NUP98: variants seen among roughly 807,000 people sequenced by gnomAD.
The protein encoded by NUP98 is nuclear pore complex protein Nup98-Nup96.
In NUP98, 26 loss-of-function variants were observed where a neutral mutation model predicts 191.9. The ratio of observed to expected loss-of-function variants is 0.14; its 90% CI spans 0.10 to 0.19. NUP98 has a LOEUF of 0.19. Ranked by LOEUF, NUP98 falls within the 10% of genes least tolerant of loss-of-function variation. NUP98 has a pLI of 1.00. For missense variants in NUP98, 1,941 were observed against 2,178.8 expected (o/e 0.89, Z 2.17); for synonymous variants, 808 against 778.4 (o/e 1.04, Z -0.63).
At chr11:3,702,311 A>ACTCTCTCTCTCTCTCT in intron 23 of NUP98, 152 bp downstream of exon 23, 1 of 421,868 alleles carries the variant, frequency 2.4e-6, no homozygotes, top group Non-Finnish European at 4.1e-6. Flanking sequence ...ACACACACAC[A>ACTCTCTCTCTCTCTCT]CACTCTCTCT....
At chr11:3,746,913 CAAAA>C (rs200628434) in intron 11 of NUP98, among the ~76,000 whole-genome samples, 2 of 90,930 alleles carry the variant, frequency 2.2e-5, no homozygotes. Context: ...AACGCAGTCT[CAAAA>C]AAAAAAAAAA....
chr11:3,765,375 T>C (rs552012827), intron 8 of NUP98, among the ~76,000 whole-genome samples: 1 of 152,370 alleles, frequency 6.6e-6, no homozygotes, highest in East Asian at 1.9e-4. Flanking sequence ...TAAAAGGTTT[T>C]AATTTTGAAA....
chr11:3,736,562 A>C (rs963114858), intron 12 of NUP98, among the ~76,000 whole-genome samples: 57 of 152,322 alleles, frequency 3.7e-4, no homozygotes, highest in African/African-American at 1.3e-3. Flanking sequence ...CAGGAAGTGG[A>C]GGTTTCAGTG....
intron 1 of NUP98, 118 bp downstream of exon 1, chr11:3,797,282 G>C (rs2082698664): frequency 1.3e-5 from 5 of 396,942 alleles, no homozygotes; most frequent in African/African-American, 6.2e-5. Context: ...CAGAAGGTGC[G>C]CGCAGCGGCG....
At position 3,764,368 on chromosome 11, in the gene NUP98, T is replaced by C. The variant is rs114114301; in HGVS notation, c.949-1329A>G. Among the ~76,000 whole-genome samples the C allele has an allele frequency of 4.0e-3, 615 of 152,368 alleles. 2 individuals are homozygous for C. The highest frequency in any genetic ancestry group is 0.014 in the African/African-American group (578 of 41,600). ...TCATTGTTAATAGATCTTTAGGTTATTTCTACATTTTAGTCATTATGAATA... is the reference window on the plus strand; with the variant it reads ...TCATTGTTAATAGATCTTTAGGTTACTTCTACATTTTAGTCATTATGAATA... On this transcript the variant is annotated intron_variant, in intron 8 of 32. Transcript: ENST00000324932.
chr11:3,761,641 C>A (rs1025656900), intron 9 of NUP98, among the ~76,000 whole-genome samples: 1 of 152,158 alleles, frequency 6.6e-6, no homozygotes, highest in Admixed American at 6.6e-5. Flanking sequence ...CGCCTGTAAT[C>A]CCAGCTACTC....
At chr11:3,744,799 G>GTACTTGACCTGCA in intron 11 of NUP98, 150 bp from the exon 12 acceptor site, 1 of 775,204 alleles carries the variant, frequency 1.3e-6, no homozygotes, top group Non-Finnish European at 2.0e-6. Context: ...TGTTACTGCA[G>GTACTTGACCTGCA]GTCAAGTACT....
At chr11:3,733,705 T>C (rs552636518) in intron 13 of NUP98, among the ~76,000 whole-genome samples, 8 of 152,240 alleles carry the variant, frequency 5.3e-5, no homozygotes, top group South Asian at 2.1e-4. Context: ...TATTCCATTA[T>C]AGACTTATAA....
intron 20 of NUP98, among the ~76,000 whole-genome samples, chr11:3,711,311 T>G (rs2079018333): frequency 6.6e-6 from 1 of 152,222 alleles, no homozygotes; most frequent in Non-Finnish European, 1.5e-5. Context: ...TCTGAAATTT[T>G]TGGGTGCTCA....
At chr11:3,720,863 A>C in intron 16 of NUP98, 38 bp from the exon 17 acceptor site, 1 of 857,844 alleles carries the variant, frequency 1.2e-6, no homozygotes. Flanking sequence ...AAAAAAAAAT[A>C]ACCTGAAATA....
intron 9 of NUP98, 122 bp downstream of exon 9, chr11:3,762,780 A>G (rs2081216237): frequency 1.0e-6 from 1 of 986,378 alleles, no homozygotes. Flanking sequence ...ATCAAATCAT[A>G]TTAGGCTGGT....
chr11:3,785,214 G>A (rs1443464174), intron 1 of NUP98, among the ~76,000 whole-genome samples: 2 of 151,464 alleles, frequency 1.3e-5, no homozygotes, highest in East Asian at 1.9e-4. Context: ...AAAAACCAAC[G>A]GATTTTTGGC....
At chr11:3,721,775 A>G (rs1388903355) in intron 16 of NUP98, among the ~76,000 whole-genome samples, 1 of 152,112 alleles carries the variant, frequency 6.6e-6, no homozygotes, top group Non-Finnish European at 1.5e-5. Context: ...ACCAAAATAA[A>G]AAAAGCAGAG....
At chr11:3,747,081 A>G (rs1348510851) in intron 11 of NUP98, among the ~76,000 whole-genome samples, 4 of 152,174 alleles carry the variant, frequency 2.6e-5, no homozygotes, top group Non-Finnish European at 4.4e-5. Flanking sequence ...GTAATGGTCC[A>G]CAATTTGAGA....
At chr11:3,722,788 G>A (rs1240576537) in intron 16 of NUP98, among the ~76,000 whole-genome samples, 1 of 152,126 alleles carries the variant, frequency 6.6e-6, no homozygotes, top group African/African-American at 2.4e-5. Flanking sequence ...ACTCCAGCCT[G>A]GGCGACAGAG....
intron 1 of NUP98, among the ~76,000 whole-genome samples, chr11:3,783,579 A>G (rs1296984066): frequency 1.3e-5 from 2 of 152,130 alleles, no homozygotes; most frequent in African/African-American, 4.8e-5. Context: ...CATGCCTGTA[A>G]TCTCAGCTAT....
rs1009789646 is a variant in NUP98, at chr11:3,715,651, T to A, written c.2400-1656A>T. 2.0e-5 allele frequency among the ~76,000 whole-genome samples: 3 copies of A among 152,172 alleles called. No homozygotes were observed. The East Asian group carries it at 5.8e-4, about 29-fold the overall frequency. On this transcript the variant is annotated intron_variant, in intron 18 of 32. Coordinates refer to ENST00000324932, the MANE Select transcript of NUP98 (RefSeq NM_016320.5). Reference sequence around the variant, plus strand: ...CCGCTCAGGCAGGAGAGAAGTGGCATGATCACAGCTCACTGTAACCTCTGT... The same window carrying A: ...CCGCTCAGGCAGGAGAGAAGTGGCAAGATCACAGCTCACTGTAACCTCTGT...
intron 2 of NUP98, among the ~76,000 whole-genome samples, chr11:3,780,776 A>C (rs1472119096): frequency 6.6e-6 from 1 of 151,546 alleles, no homozygotes; most frequent in Non-Finnish European, 1.5e-5. Context: ...CCTCTACAAA[A>C]AATTTTAAAC....
intron 4 of NUP98, among the ~76,000 whole-genome samples, chr11:3,776,546 T>C (rs1379916584): frequency 1.3e-5 from 2 of 150,880 alleles, no homozygotes; most frequent in East Asian, 3.9e-4. Context: ...TGCAGTGGCG[T>C]GATCTCAGCT....
Sources: allele counts gnomAD v4.1 joint callset (sites outside exome capture counted in the v4.1 genomes callset), GRCh38; gene constraint gnomAD v4.1.1; transcripts MANE v1.5; gene names NCBI Gene and HGNC (gene_info 2026-07-23, HGNC 2026-07-21).